AJAP1: variants seen among roughly 807,000 people sequenced by gnomAD.
AJAP1 encodes adherens junction-associated protein 1.
Under a neutral mutation model 35.0 loss-of-function variants are expected in AJAP1, and 5 were observed. The observed-to-expected ratio is 0.14, with a 90% CI of 0.07 to 0.30. The LOEUF is 0.30. Ranked by LOEUF, AJAP1 falls within the 10% of genes least tolerant of loss-of-function variation. The pLI, the probability that AJAP1 is intolerant of heterozygous loss-of-function variation, is 1.00. For missense variants in AJAP1, 586 were observed against 571.0 expected (o/e 1.03, Z -0.27); for synonymous variants, 284 against 249.3 (o/e 1.14, Z -1.31).
rs1167916174 is a variant in AJAP1, at chr1:4,773,855, G to A, written c.1164-572G>A. Among the ~76,000 whole-genome samples, 6 of 152,204 alleles carry A rather than the reference G, an allele frequency of 3.9e-5. No individual in the cohort carries two copies. The East Asian group carries it at 1.2e-3, about 29-fold the overall frequency. ...TGCTTGTGTTATGCAGGGAGGTGGG[G>A]TGGGGGGCTGTCCAAGAGCAGAGTT... On this transcript the variant is annotated intron_variant, in intron 4 of 5. Coordinates refer to ENST00000378191, the MANE Select transcript of AJAP1 (RefSeq NM_018836.4).
intron 1 of AJAP1, 56 bp from the exon 2 acceptor site, chr1:4,711,844 C>T: frequency 7.3e-7 from 1 of 1,363,746 alleles, no homozygotes; most frequent in South Asian, 1.6e-5. Flanking sequence ...CCCCGGGGCC[C>T]AGTCCCCCTC....
chr1:4,680,973 T>C (rs72637585), intron 1 of AJAP1, among the ~76,000 whole-genome samples: 12,287 of 152,214 alleles, frequency 0.081, 695 homozygotes, highest in East Asian at 0.22. Flanking sequence ...CGAATTCAGG[T>C]GGATTTGGAA....
intron 2 of AJAP1, among the ~76,000 whole-genome samples, chr1:4,746,450 C>T (rs937811362): frequency 6.6e-6 from 1 of 152,080 alleles, no homozygotes; most frequent in African/African-American, 2.4e-5. Context: ...CCCGCATCGC[C>T]CACCTTGTGA....
At chr1:4,753,196 G>A (rs1641358511) in intron 2 of AJAP1, among the ~76,000 whole-genome samples, 1 of 152,202 alleles carries the variant, frequency 6.6e-6, no homozygotes, top group Non-Finnish European at 1.5e-5. Flanking sequence ...TGGAAAATAG[G>A]TTGAGGGGAG....
intron 1 of AJAP1, among the ~76,000 whole-genome samples, chr1:4,666,265 G>A (rs973434273): frequency 1.3e-5 from 2 of 152,180 alleles, no homozygotes; most frequent in African/African-American, 2.4e-5. Context: ...CCAGGAGGAG[G>A]GCAGGGCAGG....
intron 2 of AJAP1, among the ~76,000 whole-genome samples, chr1:4,736,500 A>T (rs1318689084): frequency 1.3e-5 from 2 of 152,222 alleles, no homozygotes; most frequent in Non-Finnish European, 2.9e-5. Flanking sequence ...GGCCAGCGAT[A>T]ATCTCTTCCT....
intron 2 of AJAP1, among the ~76,000 whole-genome samples, chr1:4,756,721 A>G (rs1055066901): frequency 6.6e-6 from 1 of 152,198 alleles, no homozygotes; most frequent in Non-Finnish European, 1.5e-5. Flanking sequence ...GGTTAAGCAA[A>G]CCTTCTGAAA....
At position 4,712,080 on chromosome 1, in the gene AJAP1, G is replaced by C; in HGVS notation, c.210G>C (p.Gln70His). Residue 70 changes from glutamine to histidine, a missense_variant, in exon 2 of 6, where the codon CAG becomes CAC. Gln to His is a conservative substitution (Grantham distance 24, BLOSUM62 0). Transcript: ENST00000378191. ...GGCTGTGGAGTTTTAGGAGTGGACA[G>C]CCAGCGCGGGTCCCGGCCCCGGTGT... is the stretch of plus-strand genomic sequence containing the variant. ...PPRLWSFRSGQPARVPAPVWS... is the reference protein window; with the variant it reads ...PPRLWSFRSGHPARVPAPVWS... 1 of 1,571,252 alleles carries C rather than the reference G, an allele frequency of 6.4e-7. No homozygotes were observed. The highest frequency in any genetic ancestry group is 2.4e-5 in the East Asian group (1 of 42,282).
rs372332400 is a variant in AJAP1 at position 4,787,967 on chromosome 1, A to G, written c.*5482A>G. The G allele has an allele frequency of 2.7e-5, 9 of 328,278 alleles. No homozygotes were observed. The highest frequency in any genetic ancestry group is 8.6e-5 in the East Asian group (1 of 11,658). The allele number at this position is 328,278 out of a possible 1,614,324, so 20.3% of individuals were successfully genotyped here. ...AATTTTTGAGTGGTTACTTTGGTGC[A>G]GTTTGTCAATTTGCTCTACCATACT... On this transcript the variant is annotated 3_prime_UTR_variant, in exon 6 of 6. Transcript: ENST00000378191.
chr1:4,714,889 T>C (rs1353673989), intron 2 of AJAP1, among the ~76,000 whole-genome samples: 1 of 152,128 alleles, frequency 6.6e-6, no homozygotes, highest in Non-Finnish European at 1.5e-5. Context: ...GCCCAGTGGG[T>C]ACCATGTAAA....
chr1:4,749,830 G>A (rs182687462), intron 2 of AJAP1, among the ~76,000 whole-genome samples: 50 of 152,234 alleles, frequency 3.3e-4, no homozygotes, highest in African/African-American at 1.1e-3. Context: ...GTGTGCACTC[G>A]TGCACGCCTG....
chr1:4,758,900 G>A (rs1450376031), intron 2 of AJAP1, among the ~76,000 whole-genome samples: 1 of 152,210 alleles, frequency 6.6e-6, no homozygotes, highest in Non-Finnish European at 1.5e-5. Context: ...GGACAGAGCG[G>A]ATCACTCTCT....
rs890910949 is a variant in AJAP1, at chr1:4,790,531, G to C, written c.*8046G>C. 1.3e-5 allele frequency: 2 copies of C among 152,226 alleles called. No individual in the cohort carries two copies. The highest frequency in any genetic ancestry group is 1.3e-4 in the Admixed American group (2 of 15,286). The allele number at this position is 152,226 out of a possible 1,614,324, so 9.4% of individuals were successfully genotyped here. ...TGAAAAGCCCGCTGGCGTGCCAGAGGGGGTGTTTGCCCACACCCTCCTTGA... is the reference window on the plus strand; with the variant it reads ...TGAAAAGCCCGCTGGCGTGCCAGAGCGGGTGTTTGCCCACACCCTCCTTGA... On this transcript the variant is annotated 3_prime_UTR_variant, in exon 6 of 6. Transcript: ENST00000378191.
intron 1 of AJAP1, among the ~76,000 whole-genome samples, chr1:4,704,163 T>TC (rs1341526828): frequency 2.6e-5 from 4 of 151,930 alleles, no homozygotes; most frequent in Non-Finnish European, 4.4e-5. Flanking sequence ...GGAAGTTTTT[T>TC]TTTTTTTTTA....
intron 2 of AJAP1, among the ~76,000 whole-genome samples, chr1:4,765,111 A>G (rs886643062): frequency 2.0e-5 from 3 of 152,304 alleles, no homozygotes; most frequent in South Asian, 2.1e-4. Context: ...AAGCAGAAAA[A>G]GCCCCCAAAT....
chr1:4,676,420 C>T (rs756105561), intron 1 of AJAP1, among the ~76,000 whole-genome samples: 13 of 152,148 alleles, frequency 8.5e-5, no homozygotes, highest in Non-Finnish European at 1.5e-4. Context: ...GTGAAGCTTC[C>T]GGTCCAGCTG....
Position 4,769,756 on chromosome 1 carries a change from A to G in AJAP1, c.830-97A>G. 6.8e-6 allele frequency: 7 copies of G among 1,031,932 alleles called. No individual in the cohort carries two copies. In the South Asian group the frequency reaches 8.8e-5, roughly 13 times the overall value. 63.9% of individuals were successfully genotyped at this position (1,031,932 alleles called of 1,614,324 possible). ...GCTGCGGATGGGACCTGGCATCCCC[A>G]GCTGGGTTGGGGGGATGCACCTCCA... On this transcript the variant is annotated intron_variant, in intron 2 of 5. Coordinates refer to ENST00000378191, the MANE Select transcript of AJAP1 (RefSeq NM_018836.4).
rs1640263221 is a variant in AJAP1 at position 4,712,138 on chromosome 1, C to T, written c.268C>T (p.His90Tyr). 1 of 1,558,232 alleles carries T rather than the reference C, an allele frequency of 6.4e-7. No homozygotes were observed. The highest frequency in any genetic ancestry group is 1.2e-5 in the South Asian group (1 of 84,374). ...CCGGCCGCCCCGAGTGGAGCGGATC[C>T]ACGGGCAGATGCAGATGCCTCGAGC... The part of the protein sequence containing the change: ...SPRPPRVERI[H>Y]GQMQMPRARR... The change falls in exon 2 of 6, where the codon CAC becomes TAC. Residue 90 changes from histidine to tyrosine, a missense_variant. Coordinates refer to ENST00000378191, the MANE Select transcript of AJAP1 (RefSeq NM_018836.4).
intron 2 of AJAP1, among the ~76,000 whole-genome samples, chr1:4,755,791 A>G (rs573033438): frequency 6.7e-6 from 1 of 149,876 alleles, no homozygotes; most frequent in African/African-American, 2.4e-5. Context: ...GCAAATGGGA[A>G]TTTGCAGCCA....
Sources: allele counts gnomAD v4.1 joint callset (sites outside exome capture counted in the v4.1 genomes callset), GRCh38; gene constraint gnomAD v4.1.1; transcripts MANE v1.5; gene names NCBI Gene and HGNC (gene_info 2026-07-23, HGNC 2026-07-21).